WDPCP: variants seen among roughly 807,000 people sequenced by gnomAD.
The protein encoded by WDPCP is WD repeat-containing and planar cell polarity effector protein fritz homolog.
Under a neutral mutation model 93.1 loss-of-function variants are expected in WDPCP, and 71 were observed. The observed-to-expected ratio is 0.76, with a 90% confidence interval of 0.63 to 0.93. The LOEUF is 0.93. Ranked by LOEUF, WDPCP falls within the 40% of genes least tolerant of loss-of-function variation. The probability of loss-of-function intolerance (pLI) is 0.00; values close to 1 mark genes in which losing one functional copy is unlikely to be tolerated. For synonymous variants in WDPCP, 315 were observed against 315.0 expected, an observed-to-expected ratio of 1.00 and a Z score of 0.00; for missense variants, 844 against 887.4, an observed-to-expected ratio of 0.95 and a Z score of 0.62.
chr2:63,688,887 A>G (rs1414805154), intron 2 of WDPCP, among the ~76,000 whole-genome samples: 1 of 152,148 alleles, frequency 6.6e-6, no homozygotes. Flanking sequence ...TCATGAATGG[A>G]TTAATGCCAT....
intron 3 of WDPCP, among the ~76,000 whole-genome samples, chr2:63,650,371 T>G (rs1313925305): frequency 6.6e-6 from 1 of 152,198 alleles, no homozygotes; most frequent in African/African-American, 2.4e-5. Flanking sequence ...CTTTGAGAAC[T>G]TCTGCTTTAG....
intron 14 of WDPCP, among the ~76,000 whole-genome samples, chr2:63,218,536 T>G (rs779659119): frequency 6.6e-6 from 1 of 152,016 alleles, no homozygotes; most frequent in South Asian, 2.1e-4. Context: ...TATTTTATTA[T>G]TATTATTATT....
chr2:63,375,140 T>C (rs1691742606), intron 12 of WDPCP, among the ~76,000 whole-genome samples: 1 of 152,074 alleles, frequency 6.6e-6, no homozygotes, highest in Non-Finnish European at 1.5e-5. Flanking sequence ...GTAATAAGCT[T>C]CATATGTGGC....
chr2:63,530,737 C>G (rs1703765671), intron 1 of WDPCP, among the ~76,000 whole-genome samples: 1 of 152,094 alleles, frequency 6.6e-6, no homozygotes, highest in African/African-American at 2.4e-5. Context: ...CCAAGATGAC[C>G]AAATAGGAAC....
At chr2:63,608,886 G>C (rs1709584146) in intron 3 of WDPCP, among the ~76,000 whole-genome samples, 1 of 152,108 alleles carries the variant, frequency 6.6e-6, no homozygotes, top group African/African-American at 2.4e-5. Context: ...ACTACCTTTA[G>C]GACTACTATT....
chr2:63,712,752 G>A (rs1669281064), intron 2 of WDPCP, among the ~76,000 whole-genome samples: 1 of 152,164 alleles, frequency 6.6e-6, no homozygotes, highest in African/African-American at 2.4e-5. Flanking sequence ...AAGACAGTGA[G>A]ACCCCCTGTA....
intron 10 of WDPCP, among the ~76,000 whole-genome samples, chr2:63,393,306 G>T (rs1054585026): frequency 5.9e-5 from 9 of 151,936 alleles, no homozygotes; most frequent in Non-Finnish European, 1.3e-4. Flanking sequence ...AACCCTGCAT[G>T]TTCTCACTCA....
intron 13 of WDPCP, among the ~76,000 whole-genome samples, chr2:63,288,223 G>A (rs978947685): frequency 6.6e-6 from 1 of 152,230 alleles, no homozygotes; most frequent in Non-Finnish European, 1.5e-5. Flanking sequence ...ATGCCAACAT[G>A]AGAATGTTCA....
chr2:63,583,640 C>T (rs1328702514), intron 1 of WDPCP, among the ~76,000 whole-genome samples: 2 of 149,984 alleles, frequency 1.3e-5, no homozygotes, highest in Non-Finnish European at 3.0e-5. Flanking sequence ...AAGATTGCGC[C>T]ACTGCACTCC....
At chr2:63,507,390 A>G (rs1558728865) in intron 1 of WDPCP, among the ~76,000 whole-genome samples, 1 of 152,148 alleles carries the variant, frequency 6.6e-6, no homozygotes. Context: ...CTATAATTCT[A>G]TATCTAGCCA....
At position 63,547,380 on chromosome 2, in the gene WDPCP, T is replaced by C. The variant is rs149877441; in HGVS notation, c.75+40817A>G. On this transcript the variant is annotated intron_variant, in intron 1 of 17. Transcript: ENST00000272321. ...ATTTCTCAAAAACTAAAAATAGAAC[T>C]ACCGTATGATCCAGCAATTCCACTA... is the stretch of plus-strand genomic sequence containing the variant. Among the ~76,000 whole-genome samples, 260 of 152,196 alleles carry C rather than the reference T, an allele frequency of 1.7e-3. 2 individuals carry two copies. The highest frequency in any genetic ancestry group is 5.6e-3 in the African/African-American group (234 of 41,526).
At position 63,487,446 on chromosome 2, in the gene WDPCP, C is replaced by G. The variant is rs187135801; in HGVS notation, c.208+1G>C. 3 of 1,587,228 alleles carry G rather than the reference C, an allele frequency of 1.9e-6. No homozygotes were observed. The highest frequency in any genetic ancestry group is 2.6e-6 in the Non-Finnish European group (3 of 1,157,404). ...TTAATTGCACAGAATAGGTACTTTA[C>G]CTGGTGGATCTTTCTTGTCATAATA... On this transcript the variant is annotated splice_donor_variant, in intron 3 of 17. Coordinates refer to ENST00000272321, the MANE Select transcript of WDPCP (RefSeq NM_015910.7). LOFTEE classifies it high-confidence loss of function.
chr2:63,789,747 A>C (rs1670519554), intron 2 of WDPCP, among the ~76,000 whole-genome samples: 1 of 152,206 alleles, frequency 6.6e-6, no homozygotes, highest in South Asian at 2.1e-4. Flanking sequence ...TATGCAAATT[A>C]GTTTTCATGT....
intron 7 of WDPCP, chr2:63,437,916 T>C (rs1697247309): frequency 2.5e-6 from 4 of 1,579,778 alleles, no homozygotes; most frequent in African/African-American, 1.4e-5. Context: ...TTTAATCCTA[T>C]GTTTACATGA....
chr2:63,529,356 G>A (rs368627376), intron 1 of WDPCP, among the ~76,000 whole-genome samples: 1 of 152,046 alleles, frequency 6.6e-6, no homozygotes, highest in Non-Finnish European at 1.5e-5. Flanking sequence ...CGGGTTTGTT[G>A]TAAATAGCTT....
intron 12 of WDPCP, among the ~76,000 whole-genome samples, chr2:63,327,479 A>G (rs1169499665): frequency 6.6e-6 from 1 of 152,186 alleles, no homozygotes; most frequent in African/African-American, 2.4e-5. Context: ...AACTAAATCT[A>G]TCCTTACTCT....
At chr2:63,395,276 T>C (rs1395294924) in intron 10 of WDPCP, among the ~76,000 whole-genome samples, 2 of 152,204 alleles carry the variant, frequency 1.3e-5, no homozygotes, top group African/African-American at 2.4e-5. Context: ...AGTGCAGTTG[T>C]GTTACATAGA....
At position 63,213,560 on chromosome 2, in the gene WDPCP, C is replaced by T. The variant is rs138017144; in HGVS notation, c.1916-38728G>A. 5.9e-3 allele frequency among the ~76,000 whole-genome samples: 897 copies of T among 151,872 alleles called. 4 individuals are homozygous for T. Among genetic ancestry groups the T allele is most frequent in the African/African-American group, 0.02 (845 of 41,416 alleles). On this transcript the variant is annotated intron_variant, in intron 14 of 17. Transcript: ENST00000272321. The stretch of plus-strand genomic sequence containing the variant: ...TTGACACCCTAACATCACAATTAAA[C>T]GAACTAGAGAAGCAAGAGCAAACAC...
chr2:63,340,133 T>C (rs1688732013), intron 12 of WDPCP, among the ~76,000 whole-genome samples: 1 of 152,188 alleles, frequency 6.6e-6, no homozygotes, highest in African/African-American at 2.4e-5. Flanking sequence ...CCAGCTTGTT[T>C]TGTTTTTTAT....
Sources: gnomAD v4.1 joint callset for allele counts (sites outside exome capture counted in the v4.1 genomes callset) on GRCh38, gnomAD v4.1.1 for gene constraint, MANE v1.5 for transcripts, NCBI Gene and HGNC (gene_info 2026-07-23, HGNC 2026-07-21) for gene names.